The following MEP1B variants were observed in gnomAD, a reference collection of about 807,000 sequenced individuals.
MEP1B encodes the protein meprin A subunit beta.
A neutral mutation model predicts 84.6 loss-of-function variants in MEP1B; 80 were observed. The observed-to-expected ratio is 0.95, with a 90% CI of 0.79 to 1.14. MEP1B has a LOEUF of 1.14. Among genes scored for constraint, MEP1B ranks in the 50% most tolerant of loss-of-function variants. The probability of loss-of-function intolerance (pLI) is 0.00; values close to 1 mark genes in which losing one functional copy is unlikely to be tolerated. For missense variants in MEP1B, 766 were observed against 855.1 expected, an observed-to-expected ratio of 0.90 and a Z score of 1.30; for synonymous variants, 273 against 288.1, an observed-to-expected ratio of 0.95 and a Z score of 0.53.
At chr18:32,192,600 TATAAAC>T in intron 2 of MEP1B, 40 bp from the exon 3 acceptor site, 1 of 1,576,072 alleles carries the variant, frequency 6.3e-7, no homozygotes, top group Non-Finnish European at 8.7e-7. Context: ...TTTCTCCTTT[TATAAAC>T]ATAATGTTCA....
chr18:32,204,383 T>A (rs78243859), intron 7 of MEP1B, 23 bp downstream of exon 7: 1 of 1,550,240 alleles, frequency 6.5e-7, no homozygotes, highest in East Asian at 2.4e-5. Flanking sequence ...TTTTTTCCTA[T>A]GTTTTTAGTT....
intron 4 of MEP1B, among the ~76,000 whole-genome samples, chr18:32,194,686 C>A (rs1568263658): frequency 6.6e-6 from 1 of 152,292 alleles, no homozygotes; most frequent in African/African-American, 2.4e-5. Context: ...CTCTGTCTTG[C>A]GATCCCTATT....
chr18:32,212,940 C>A (rs1343077369), intron 10 of MEP1B, among the ~76,000 whole-genome samples, 176 bp from the exon 11 acceptor site: 1 of 152,182 alleles, frequency 6.6e-6, no homozygotes, highest in Non-Finnish European at 1.5e-5. Context: ...TGTGACCCCA[C>A]AGAAGCACCT....
chr18:32,199,539 A>G (rs1041282409), intron 5 of MEP1B, among the ~76,000 whole-genome samples: 4 of 152,156 alleles, frequency 2.6e-5, no homozygotes, highest in African/African-American at 4.8e-5. Flanking sequence ...GAGGAGAGAA[A>G]GATGTTCATT....
At chr18:32,192,744 G>A (rs1327139181) in intron 3 of MEP1B, 30 bp from the exon 4 acceptor site, 1 of 1,612,250 alleles carries the variant, frequency 6.2e-7, no homozygotes, top group Admixed American at 1.7e-5. Flanking sequence ...AATCCAATTT[G>A]CTAACATGAA....
chr18:32,217,295 C>T (rs988745832), intron 13 of MEP1B, among the ~76,000 whole-genome samples, 178 bp downstream of exon 13: 23 of 152,016 alleles, frequency 1.5e-4, no homozygotes, highest in African/African-American at 5.1e-4. Context: ...CAAGAACTAT[C>T]TTTGTGATAG....
At chr18:32,190,256 G>C (rs1423009728) in intron 1 of MEP1B, 123 bp downstream of exon 1, 2 of 732,034 alleles carry the variant, frequency 2.7e-6, no homozygotes, top group African/African-American at 3.6e-5. Context: ...TCTCAAATGA[G>C]TGTTTCTTCT....
At position 32,207,346 on chromosome 18, in the gene MEP1B, T is replaced by G. The variant is rs1210012360; in HGVS notation, c.642T>G (p.Thr214=). Residue 214 remains threonine (T), a synonymous_variant, in exon 8 of 15, where the codon ACT becomes ACG. Transcript: ENST00000269202. ...CTTCAGTAATGCACTACAGTAAAAC[T>G]GCATTCCAAAATGGAACAGAGCCGA... ...DYTSVMHYSK[T]AFQNGTEPTI... The G allele has an allele frequency of 6.2e-7, 1 of 1,613,208 alleles. No individual in the cohort carries two copies. The highest frequency in any genetic ancestry group is 1.7e-5 in the Admixed American group (1 of 59,970).
intron 11 of MEP1B, among the ~76,000 whole-genome samples, chr18:32,214,332 A>G (rs1309914983): frequency 6.6e-6 from 1 of 152,198 alleles, no homozygotes; most frequent in Non-Finnish European, 1.5e-5. Flanking sequence ...GACCCTAGTA[A>G]AGGAAAAAAT....
At chr18:32,210,352 A>G (rs2144415732) in intron 9 of MEP1B, 149 bp from the exon 10 acceptor site, 1 of 642,704 alleles carries the variant, frequency 1.6e-6, no homozygotes, top group African/African-American at 1.8e-5. Context: ...AGTGCCAGAT[A>G]TGTAGCTTAG....
chr18:32,196,760 C>G lies in MEP1B; in HGVS notation c.250+1275C>G, dbSNP rs568283648. 35 of 655,058 alleles carry G rather than the reference C, an allele frequency of 5.3e-5. 1 individual carries two copies. The highest frequency in any genetic ancestry group is 5.7e-4 in the Middle Eastern group (2 of 3,518). The allele number at this position is 655,058 out of a possible 1,614,324, so 40.6% of individuals were successfully genotyped here. ...TGGTGAAGCAGTGCAGGGCCAGGTG[C>G]ATGTTTTCCTGGATGGTGTTGGGGT... On this transcript the variant is annotated intron_variant, in intron 5 of 14. Coordinates refer to ENST00000269202, the MANE Select transcript of MEP1B (RefSeq NM_005925.3). The surrounding 1 kb of genome is among the most constrained non-coding windows in gnomAD (Gnocchi z 4.4).
At chr18:32,197,698 G>T (rs941249676) in intron 5 of MEP1B, among the ~76,000 whole-genome samples, 12 of 152,140 alleles carry the variant, frequency 7.9e-5, no homozygotes, top group African/African-American at 2.7e-4. Flanking sequence ...GGGATTACAG[G>T]TATGAGCCAC....
intron 7 of MEP1B, among the ~76,000 whole-genome samples, chr18:32,205,249 T>C (rs1245609195): frequency 6.6e-6 from 1 of 152,180 alleles, no homozygotes; most frequent in Non-Finnish European, 1.5e-5. Flanking sequence ...AATAGTTGAG[T>C]AGCATGAACT....
At position 32,215,169 on chromosome 18, in the gene MEP1B, G is replaced by C. The variant is rs767805704; in HGVS notation, c.1667G>C (p.Gly556Ala). ...GGAACTCAGTTTAGAAGAGGTGGGGGCTATGGAACCAGTGCCTTTATAACC... is the reference window on the plus strand; with the variant it reads ...GGAACTCAGTTTAGAAGAGGTGGGGCCTATGGAACCAGTGCCTTTATAACC... ...SNGTQFRRGGGYGTSAFITHE... is the reference protein window; with the variant it reads ...SNGTQFRRGGAYGTSAFITHE... The change falls in exon 12 of 15, where the codon GGC (glycine) becomes GCC (alanine). Residue 556 changes from glycine to alanine, a missense_variant. Coordinates refer to ENST00000269202, the MANE Select transcript of MEP1B (RefSeq NM_005925.3). 8 of 1,611,470 alleles carry C rather than the reference G, an allele frequency of 5.0e-6. No homozygotes were observed. In the South Asian group the frequency reaches 7.7e-5, roughly 16 times the overall value.
intron 11 of MEP1B, among the ~76,000 whole-genome samples, chr18:32,213,809 A>C (rs2041055928): frequency 6.6e-6 from 1 of 152,164 alleles, no homozygotes; most frequent in Admixed American, 6.5e-5. Context: ...CCCTTCTCAA[A>C]TTTCCACTTC....
At chr18:32,204,811 T>A (rs1275485401) in intron 7 of MEP1B, among the ~76,000 whole-genome samples, 1 of 152,120 alleles carries the variant, frequency 6.6e-6, no homozygotes. Context: ...TCACATACCA[T>A]GACAGAGGGC....
intron 5 of MEP1B, among the ~76,000 whole-genome samples, chr18:32,199,660 T>TTCCTTCC (rs1256249848): frequency 0.043 from 4,177 of 96,518 alleles, 163 homozygotes; most frequent in Non-Finnish European, 0.051. Context: ...CTTTTTTTCC[T>TTCCTTCC]TTCGTTCGTT....
rs1274617091 is a variant in MEP1B at position 32,212,544 on chromosome 18, G to A, written c.1136-572G>A. On this transcript the variant is annotated intron_variant, in intron 10 of 14. Coordinates refer to ENST00000269202, the MANE Select transcript of MEP1B (RefSeq NM_005925.3). ...AGTACAGGTTGGAAAGAAAGGAGGT[G>A]GTACCAAATATCAGATAAATACTTA... 2.6e-5 allele frequency among the ~76,000 whole-genome samples: 4 copies of A among 152,202 alleles called. No homozygotes were observed. In the East Asian group the frequency reaches 5.8e-4, roughly 22 times the overall value.
chr18:32,213,916 AG>A, intron 11 of MEP1B, among the ~76,000 whole-genome samples: 1 of 152,310 alleles, frequency 6.6e-6, no homozygotes, highest in South Asian at 2.1e-4. Context: ...ATAATCTCTT[AG>A]GGCCCCAGTG....
Sources: allele counts gnomAD v4.1 joint callset (sites outside exome capture counted in the v4.1 genomes callset), GRCh38; gene constraint gnomAD v4.1.1; non-coding constraint Gnocchi (gnomAD v3.1); transcripts MANE v1.5; gene names NCBI Gene and HGNC (gene_info 2026-07-23, HGNC 2026-07-21).